SDK1: variants seen among roughly 807,000 people sequenced by gnomAD.
SDK1 encodes sidekick cell adhesion molecule 1.
A neutral mutation model predicts 245.5 loss-of-function variants in SDK1; 157 were observed. The ratio of observed to expected loss-of-function variants is 0.64; its 90% CI spans 0.56 to 0.73. The LOEUF (loss-of-function observed/expected upper bound fraction) is 0.73, where lower values mean the gene tolerates loss of function less well. SDK1 is among the 30% of genes least tolerant of loss of function. The pLI is 0.00. For missense variants in SDK1, 3,583 were observed against 3,002.3 expected, an observed-to-expected ratio of 1.19 and a Z score of -4.52; for synonymous variants, 1,647 against 1,278.5, an observed-to-expected ratio of 1.29 and a Z score of -6.15.
At chr7:3,668,648 G>C (rs1277236985) in intron 4 of SDK1, among the ~76,000 whole-genome samples, 4 of 152,106 alleles carry the variant, frequency 2.6e-5, no homozygotes, top group African/African-American at 9.7e-5. Flanking sequence ...AAAATTAGCC[G>C]AGTGTGGTGG....
chr7:3,835,561 C>A (rs893776188), intron 5 of SDK1, among the ~76,000 whole-genome samples: 11 of 152,106 alleles, frequency 7.2e-5, no homozygotes, highest in African/African-American at 2.4e-4. Context: ...CCTCTCACCC[C>A]CCTTCTATGT....
At chr7:3,528,151 G>C (rs1783211826) in intron 1 of SDK1, among the ~76,000 whole-genome samples, 1 of 135,876 alleles carries the variant, frequency 7.4e-6, no homozygotes, top group African/African-American at 2.7e-5. Flanking sequence ...AGGAGGTAAG[G>C]TTGGATGACA....
intron 43 of SDK1, among the ~76,000 whole-genome samples, chr7:4,242,416 G>C (rs1038774603): frequency 2.0e-5 from 3 of 152,138 alleles, no homozygotes; most frequent in Non-Finnish European, 4.4e-5. Flanking sequence ...CATCACCATA[G>C]CCTCCTTAGC....
At chr7:4,157,426 G>GAAGA (rs1780812567) in intron 30 of SDK1, among the ~76,000 whole-genome samples, 1 of 48,602 alleles carries the variant, frequency 2.1e-5, no homozygotes, top group Admixed American at 2.2e-4. Flanking sequence ...AGGAGGGAAG[G>GAAGA]AAGGCAAGAG....
At chr7:3,385,878 A>G (rs2128568355) in intron 1 of SDK1, among the ~76,000 whole-genome samples, 1 of 152,212 alleles carries the variant, frequency 6.6e-6, no homozygotes, top group East Asian at 1.9e-4. Flanking sequence ...CAGCACTTTA[A>G]TGACTCTGTC....
chr7:4,158,800 A>G (rs181256396), intron 31 of SDK1, among the ~76,000 whole-genome samples: 1 of 152,366 alleles, frequency 6.6e-6, no homozygotes, highest in African/African-American at 2.4e-5. Context: ...ATCCATTAGC[A>G]TCCCAGAAAT....
chr7:4,081,546 G>C (rs28488873), intron 22 of SDK1, among the ~76,000 whole-genome samples: 2 of 150,840 alleles, frequency 1.3e-5, no homozygotes, highest in Non-Finnish European at 2.9e-5. Context: ...TCAGCCTCCC[G>C]AGTAGCTGGG....
Position 3,518,870 on chromosome 7 carries a change from C to T in SDK1, c.299-100210C>T, listed in dbSNP as rs376165196. Among the ~76,000 whole-genome samples the T allele has an allele frequency of 1.4e-3, 210 of 151,604 alleles. 5 individuals carry two copies. In the South Asian group the frequency reaches 0.043, roughly 31 times the overall value. The stretch of plus-strand genomic sequence containing the variant: ...TCTGTGTTTATTGTAGCACTGTTCA[C>T]AATATACAAGATATGGAAGTAACCC... On this transcript the variant is annotated intron_variant, in intron 1 of 44. Coordinates refer to ENST00000404826, the MANE Select transcript of SDK1 (RefSeq NM_152744.4).
At chr7:3,482,116 G>A (rs1178108949) in intron 1 of SDK1, among the ~76,000 whole-genome samples, 3 of 152,160 alleles carry the variant, frequency 2.0e-5, no homozygotes, top group African/African-American at 7.2e-5. Flanking sequence ...TAAAGCTATA[G>A]GAATAAAATA....
rs141688402 is a variant in SDK1, at chr7:4,100,292, G to T, written c.3325-10371G>T. On this transcript the variant is annotated intron_variant, in intron 22 of 44. Coordinates refer to ENST00000404826, the MANE Select transcript of SDK1 (RefSeq NM_152744.4). The stretch of plus-strand genomic sequence containing the variant: ...TGGGCTCCTAGGGCAGGGGCCATGG[G>T]GGGCAGACATGGCCTCCAGGAGAAG... Among the ~76,000 whole-genome samples the T allele has an allele frequency of 5.0e-3, 755 of 152,288 alleles. 8 individuals carry two copies. The highest frequency in any genetic ancestry group is 0.017 in the African/African-American group (691 of 41,544).
chr7:3,933,765 C>T (rs1336547053), intron 5 of SDK1, among the ~76,000 whole-genome samples: 1 of 152,180 alleles, frequency 6.6e-6, no homozygotes, highest in African/African-American at 2.4e-5. Flanking sequence ...TACTGCCTTT[C>T]AGCATTTGGT....
At chr7:3,538,729 A>C (rs1371127048) in intron 1 of SDK1, among the ~76,000 whole-genome samples, 2 of 152,164 alleles carry the variant, frequency 1.3e-5, no homozygotes, top group Non-Finnish European at 2.9e-5. Flanking sequence ...TATACTCTCT[A>C]TGCAAACCCC....
At chr7:4,020,325 G>T (rs1786786986) in intron 17 of SDK1, among the ~76,000 whole-genome samples, 1 of 152,144 alleles carries the variant, frequency 6.6e-6, no homozygotes, top group South Asian at 2.1e-4. Context: ...CAGCCTTGAT[G>T]CCTCAGTGTA....
rs564078183 is a variant in SDK1, at chr7:4,255,785, A to C, written c.6382-9339A>C. ...AATTTCTGTCACACTGAGCTGGGGG[A>C]ATTGGATAGGGAGAGCAGGTCATGG... is the stretch of plus-strand genomic sequence containing the variant. On this transcript the variant is annotated intron_variant, in intron 44 of 44. Coordinates refer to ENST00000404826, the MANE Select transcript of SDK1 (RefSeq NM_152744.4). Among the ~76,000 whole-genome samples, 178 of 152,122 alleles carry C rather than the reference A, an allele frequency of 1.2e-3. 2 individuals are homozygous for C. The highest frequency in any genetic ancestry group is 4.2e-3 in the African/African-American group (176 of 41,526).
chr7:3,442,638 C>CTAT (rs1192892431), intron 1 of SDK1, among the ~76,000 whole-genome samples: 1 of 152,200 alleles, frequency 6.6e-6, no homozygotes, highest in Non-Finnish European at 1.5e-5. Context: ...TTCTCTAAGC[C>CTAT]TATTTTCTTT....
At chr7:3,810,833 G>A (rs996484404) in intron 4 of SDK1, among the ~76,000 whole-genome samples, 7 of 152,170 alleles carry the variant, frequency 4.6e-5, no homozygotes, top group African/African-American at 1.7e-4. Flanking sequence ...GCATCTGGGT[G>A]GAAGTATCCG....
intron 1 of SDK1, among the ~76,000 whole-genome samples, chr7:3,328,898 T>G (rs1779999940): frequency 1.3e-5 from 2 of 152,108 alleles, no homozygotes; most frequent in Non-Finnish European, 2.9e-5. Context: ...AACAACTTTG[T>G]GCAGTTTGAC....
chr7:3,579,552 C>G (rs549902328), intron 1 of SDK1, among the ~76,000 whole-genome samples: 1 of 152,270 alleles, frequency 6.6e-6, no homozygotes, highest in South Asian at 2.1e-4. Flanking sequence ...CTATGACAAA[C>G]CCATAGCCAA....
At position 4,243,046 on chromosome 7, in the gene SDK1, A is replaced by T. The variant is rs117746943; in HGVS notation, c.6251+1133A>T. ...CCTTTCATTTCATTTGTCTACTGGG[A>T]GGCAAGTTTTTCCTGCCGTGTAATA... is the stretch of plus-strand genomic sequence containing the variant. On this transcript the variant is annotated intron_variant, in intron 43 of 44. Transcript: ENST00000404826. Among the ~76,000 whole-genome samples the T allele has an allele frequency of 3.3e-4, 50 of 152,286 alleles. No individual in the cohort carries two copies. The East Asian group carries it at 9.3e-3, about 28-fold the overall frequency.
Sources: allele counts gnomAD v4.1 joint callset (sites outside exome capture counted in the v4.1 genomes callset), GRCh38; gene constraint gnomAD v4.1.1; transcripts MANE v1.5; gene names NCBI Gene and HGNC (gene_info 2026-07-23, HGNC 2026-07-21).